Variants in MGME1 observed in about 807,000 individuals in gnomAD.
The protein encoded by MGME1 is chromosome 20 open reading frame 72.
Under a neutral mutation model 33.0 loss-of-function variants are expected in MGME1, and 22 were observed. That is an observed-to-expected ratio of 0.67 (90% CI 0.48 to 0.95). The LOEUF (loss-of-function observed/expected upper bound fraction) is 0.95. Among genes scored for constraint, MGME1 ranks in the 40% least tolerant of loss-of-function variants. The pLI is 0.00. For missense variants in MGME1, 383 were observed against 397.8 expected (o/e 0.96, Z 0.32); for synonymous variants, 133 against 144.0 (o/e 0.92, Z 0.55).
At chr20:17,973,578 G>A (rs1275132859) in intron 2 of MGME1, among the ~76,000 whole-genome samples, 1 of 151,126 alleles carries the variant, frequency 6.6e-6, no homozygotes, top group Non-Finnish European at 1.5e-5. Flanking sequence ...GGTGTTCAAG[G>A]TTACAGTGAG....
At position 17,970,020 on chromosome 20, in the gene MGME1, A is replaced by G. The variant is rs1422631575; in HGVS notation, c.161A>G (p.Asn54Ser). The change falls in exon 2 of 5, where the codon AAT becomes AGT. Residue 54 changes from asparagine to serine, a missense_variant. Physicochemically the swap from Asn to Ser is conservative, Grantham distance 46. Transcript: ENST00000377710. ...YEEVDQEKYS[N>S]LVQSVLSSRG... is the part of the protein sequence containing the mutation. ...GAAGTGGACCAAGAAAAATACTCTA[A>G]TTTAGTTCAGTCTGTCTTGTCATCC... is the stretch of plus-strand genomic sequence containing the variant. The G allele has an allele frequency of 1.2e-5, 19 of 1,614,016 alleles. No homozygotes were observed. The highest frequency in any genetic ancestry group is 1.6e-5 in the Non-Finnish European group (19 of 1,180,022).
rs750600171 is a variant in MGME1, at chr20:17,975,712, C to T, written c.540C>T (p.His180=). The T allele has an allele frequency of 1.1e-5, 18 of 1,613,676 alleles. No homozygotes were observed. The highest frequency in any genetic ancestry group is 5.0e-5 in the Admixed American group (3 of 59,962). The stretch of plus-strand genomic sequence containing the variant: ...TCTTTTTACAAGGGAAACGGTTCCA[C>T]GAAGCCTTGGAAAGCATACTTTCAC... ...SNVFLQGKRF[H]EALESILSPQ... is the part of the protein sequence containing the mutation. The change falls in exon 3 of 5, where the codon CAC becomes CAT. Residue 180 remains histidine (H), a synonymous_variant. Coordinates refer to ENST00000377710, the MANE Select transcript of MGME1 (RefSeq NM_052865.4).
rs185446685 is a variant in MGME1, at chr20:17,990,299, C to G, written c.*190C>G. 4.9e-4 allele frequency: 308 copies of G among 629,796 alleles called. 3 individuals carry two copies. In the East Asian group the frequency reaches 8.3e-3, roughly 17 times the overall value. The allele number at this position is 629,796 out of a possible 1,614,324, so 39.0% of individuals were successfully genotyped here. On this transcript the variant is annotated 3_prime_UTR_variant, in exon 5 of 5. Transcript: ENST00000377710. ...AAGCCCCAAAGTCTAGATATAAAGA[C>G]CTAGACTTCGGCACGCGAAATCCCA...
At chr20:17,973,831 C>A (rs557030788) in intron 2 of MGME1, among the ~76,000 whole-genome samples, 1 of 152,100 alleles carries the variant, frequency 6.6e-6, no homozygotes, top group Non-Finnish European at 1.5e-5. Flanking sequence ...GCTGCCTGTC[C>A]AGCTTTTTGC....
At chr20:17,969,442 T>G (rs2035651813) in intron 1 of MGME1, among the ~76,000 whole-genome samples, 1 of 152,220 alleles carries the variant, frequency 6.6e-6, no homozygotes, top group African/African-American at 2.4e-5. Context: ...GCAGAGAGCC[T>G]GGTGTCTAGG....
At chr20:17,975,588 TA>T in intron 2 of MGME1, 95 bp from the exon 3 acceptor site, 1 of 884,942 alleles carries the variant, frequency 1.1e-6, no homozygotes, top group Non-Finnish European at 1.7e-6. Context: ...ATGTCATTTT[TA>T]ATTGTATTGT....
intron 3 of MGME1, among the ~76,000 whole-genome samples, chr20:17,979,255 G>T (rs952571960): frequency 2.0e-5 from 3 of 150,476 alleles, no homozygotes; most frequent in Non-Finnish European, 4.4e-5. Flanking sequence ...TTTTTTGTAT[G>T]TTTTGTAGAG....
chr20:17,988,336 T>A, intron 4 of MGME1, 38 bp downstream of exon 4: 1 of 1,600,614 alleles, frequency 6.2e-7, no homozygotes, highest in Non-Finnish European at 8.5e-7. Flanking sequence ...CTTTGCTCAA[T>A]GCTTACTTAA....
chr20:17,970,502 C>G, intron 2 of MGME1, 132 bp downstream of exon 2: 1 of 812,382 alleles, frequency 1.2e-6, no homozygotes, highest in South Asian at 1.8e-5. Context: ...TAGTAATTAA[C>G]ATTAAATAGC....
At chr20:17,983,301 G>T (rs956436976) in intron 3 of MGME1, among the ~76,000 whole-genome samples, 1 of 151,442 alleles carries the variant, frequency 6.6e-6, no homozygotes, top group East Asian at 1.9e-4. Context: ...GTGTGTGTGT[G>T]TATCCACATT....
intron 2 of MGME1, among the ~76,000 whole-genome samples, chr20:17,970,693 A>C (rs2122487686): frequency 6.6e-6 from 1 of 152,356 alleles, no homozygotes. Flanking sequence ...GATTATTGAA[A>C]AAAGTCACCT....
chr20:17,978,819 A>G (rs1232597745), intron 3 of MGME1, among the ~76,000 whole-genome samples: 6 of 151,914 alleles, frequency 3.9e-5, no homozygotes, highest in African/African-American at 1.5e-4. Flanking sequence ...TCTGTCACCC[A>G]GACTGGAGTG....
chr20:17,987,222 G>A (rs1304497607), intron 3 of MGME1, among the ~76,000 whole-genome samples: 1 of 151,528 alleles, frequency 6.6e-6, no homozygotes, highest in Non-Finnish European at 1.5e-5. Context: ...AGAGTTACTG[G>A]GGCCCTTTTC....
In MGME1 at chr20:17,990,410, T is replaced by TGGGC. The variant is rs1555792156; in HGVS notation, c.*304_*305insCGGG. 6.7e-5 allele frequency: 3 copies of TGGGC among 44,504 alleles called. No homozygotes were observed. Among genetic ancestry groups the TGGGC allele is most frequent in the Admixed American group, 4.7e-4 (2 of 4,252 alleles). 2.8% of individuals were successfully genotyped at this position (44,504 alleles called of 1,614,324 possible). A position where few individuals can be genotyped will look rare whatever the true frequency, so the allele number is the denominator to read the frequency against. On this transcript the variant is annotated 3_prime_UTR_variant, in exon 5 of 5. Transcript: ENST00000377710. ...ACTCTTGTACTCCCTTGAGGGACAT[T>TGGGC]GGGGGGGGGGGGGCGTGGTCCCAGG...
chr20:17,989,848 T>G (rs2036248030), intron 4 of MGME1, 91 bp from the exon 5 acceptor site: 1 of 1,192,094 alleles, frequency 8.4e-7, no homozygotes, highest in Non-Finnish European at 1.2e-6. Flanking sequence ...TAGATTATTT[T>G]ATACTGAGTT....
intron 3 of MGME1, among the ~76,000 whole-genome samples, chr20:17,978,875 A>G (rs1210128010): frequency 3.3e-5 from 5 of 151,830 alleles, no homozygotes; most frequent in African/African-American, 4.8e-5. Context: ...TCCTGGGTTC[A>G]AGCAATTCTC....
At chr20:17,983,094 A>G (rs1230737711) in intron 3 of MGME1, among the ~76,000 whole-genome samples, 1 of 152,056 alleles carries the variant, frequency 6.6e-6, no homozygotes, top group African/African-American at 2.4e-5. Flanking sequence ...TGTAATCACC[A>G]TTCTACTCTC....
intron 3 of MGME1, among the ~76,000 whole-genome samples, chr20:17,977,440 A>G (rs1240468432): frequency 6.6e-6 from 1 of 152,014 alleles, no homozygotes; most frequent in Non-Finnish European, 1.5e-5. Context: ...GCAAAGTAAA[A>G]GCAGGTTTAT....
At chr20:17,973,166 G>A (rs1238128626) in intron 2 of MGME1, among the ~76,000 whole-genome samples, 3 of 152,008 alleles carry the variant, frequency 2.0e-5, no homozygotes, top group South Asian at 2.1e-4. Context: ...CCAAAATGGC[G>A]AAACCCCATC....
Sources: allele counts gnomAD v4.1 joint callset (sites outside exome capture counted in the v4.1 genomes callset), GRCh38; gene constraint gnomAD v4.1.1; transcripts MANE v1.5; gene names NCBI Gene and HGNC (gene_info 2026-07-23, HGNC 2026-07-21).